The following UCN3 variants were observed in gnomAD, a reference collection of about 807,000 sequenced individuals.
The protein encoded by UCN3 is urocortin-3.
UCN3 carries 3 observed loss-of-function variants against 3.6 expected under a neutral mutation model. The ratio of observed to expected loss-of-function variants is 0.83; its 90% CI spans 0.38 to 2.15. The LOEUF (loss-of-function observed/expected upper bound fraction) is 2.15. Among genes scored for constraint, UCN3 ranks in the 30% most tolerant of loss-of-function variants. The pLI, the probability that UCN3 is intolerant of heterozygous loss-of-function variation, is 0.06. For synonymous variants in UCN3, 100 were observed against 93.2 expected, an observed-to-expected ratio of 1.07 and a Z score of -0.42; for missense variants, 206 against 208.3, an observed-to-expected ratio of 0.99 and a Z score of 0.07.
rs1834113071 is a variant in UCN3, at chr10:5,365,913, C to G, written c.-7+683C>G. ...GATACCTACAATGGCTAACTCCTACCTGTGAAGGGGAGATGGATGTTTGAT... is the reference window on the plus strand; with the variant it reads ...GATACCTACAATGGCTAACTCCTACGTGTGAAGGGGAGATGGATGTTTGAT... On this transcript the variant is annotated intron_variant, in intron 1 of 1. Transcript: ENST00000380433. This position sits in a 1 kb window ranked among gnomAD's most constrained non-coding sequence, Gnocchi z 4.4. Among the ~76,000 whole-genome samples the G allele has an allele frequency of 1.3e-5, 2 of 152,312 alleles. No homozygotes were observed. The highest frequency in any genetic ancestry group is 4.8e-5 in the African/African-American group (2 of 41,564).
At chr10:5,368,853 T>C (rs1831291980) in intron 1 of UCN3, among the ~76,000 whole-genome samples, 1 of 152,144 alleles carries the variant, frequency 6.6e-6, no homozygotes, top group South Asian at 2.1e-4. Flanking sequence ...ACAGGGACGG[T>C]TAGTGCACCC....
chr10:5,373,573 G>A lies in UCN3; in HGVS notation c.-6-142G>A. The stretch of plus-strand genomic sequence containing the variant: ...CATTTCTAACAAAGTCCCAGCCCGG[G>A]CTGATGCTGCTGGTCTGGGGGTCAT... On this transcript the variant is annotated intron_variant, in intron 1 of 1. Coordinates refer to ENST00000380433, the MANE Select transcript of UCN3 (RefSeq NM_053049.4). The A allele has an allele frequency of 3.0e-6, 4 of 1,330,802 alleles. No individual in the cohort carries two copies. In the South Asian group the frequency reaches 4.4e-5, roughly 15 times the overall value. The allele number at this position is 1,330,802 out of a possible 1,614,324, so 82.4% of individuals were successfully genotyped here.
chr10:5,370,066 T>TGTGTGTATATGC lies in UCN3; in HGVS notation c.-6-3613_-6-3602dup, dbSNP rs1301124389. ...ATATGCGTGTGTATGTGTGTGTATATGTGTGTATATGCGTGTGTATATGCG... is the reference window on the plus strand; with the variant it reads ...ATATGCGTGTGTATGTGTGTGTATATGTGTGTATATGCGTGTGTATATGCGTGTGTATATGCG... On this transcript the variant is annotated intron_variant, in intron 1 of 1. Coordinates refer to ENST00000380433, the MANE Select transcript of UCN3 (RefSeq NM_053049.4). Among the ~76,000 whole-genome samples the TGTGTGTATATGC allele has an allele frequency of 1.7e-3, 72 of 42,270 alleles. 11 individuals carry two copies. Among genetic ancestry groups the TGTGTGTATATGC allele is most frequent in the African/African-American group, 4.3e-3 (47 of 10,830 alleles). The allele number at this position is 42,270 out of a possible 152,430, so 27.7% of individuals were successfully genotyped here.
intron 1 of UCN3, 36 bp from the exon 2 acceptor site, chr10:5,373,679 C>T: frequency 6.3e-7 from 1 of 1,597,780 alleles, no homozygotes. Context: ...CACGCCCCTC[C>T]CATGCCCCTG....
rs201740122 is a variant in UCN3, at chr10:5,374,160, C to T, written c.440C>T (p.Ala147Val). 4.2e-5 allele frequency: 68 copies of T among 1,612,168 alleles called. No individual in the cohort carries two copies. Among genetic ancestry groups the T allele is most frequent in the Non-Finnish European group, 5.2e-5 (61 of 1,179,610 alleles). The change falls in exon 2 of 2, where the codon GCG becomes GTG. Residue 147 changes from alanine (A) to valine (V), a missense_variant. Ala to Val is a moderately conservative substitution (Grantham distance 64). Transcript: ENST00000380433. ...AAGGCCAAGAACCTGCGTGCCCAGG[C>T]GGCCGCCAATGCCCACCTGATGGCG... ...IAKAKNLRAQ[A>V]AANAHLMAQI...
Position 5,366,500 on chromosome 10 carries a change from T to C in UCN3, c.-7+1270T>C, listed in dbSNP as rs147648434. ...GAGAAACTTGCAAAATTAGACTTTA[T>C]GTGGGAAGTACAGAGTATCTTTTCT... On this transcript the variant is annotated intron_variant, in intron 1 of 1. Coordinates refer to ENST00000380433, the MANE Select transcript of UCN3 (RefSeq NM_053049.4). This position sits in a 1 kb window ranked among gnomAD's most constrained non-coding sequence, Gnocchi z 4.2. Among the ~76,000 whole-genome samples, 972 of 152,328 alleles carry C rather than the reference T, an allele frequency of 6.4e-3. 10 individuals carry two copies. Among genetic ancestry groups the C allele is most frequent in the African/African-American group, 0.022 (903 of 41,576 alleles).
Position 5,374,584 on chromosome 10 carries a change from T to G in UCN3, c.*378T>G. 5.6e-6 allele frequency: 1 copy of G among 177,158 alleles called. No individual in the cohort carries two copies. Among genetic ancestry groups the G allele is most frequent in the Non-Finnish European group, 1.2e-5 (1 of 83,152 alleles). The allele number at this position is 177,158 out of a possible 1,614,324, so 11.0% of individuals were successfully genotyped here. A position where few individuals can be genotyped will look rare whatever the true frequency, so the allele number is the denominator to read the frequency against. On this transcript the variant is annotated 3_prime_UTR_variant, in exon 2 of 2. Coordinates refer to ENST00000380433, the MANE Select transcript of UCN3 (RefSeq NM_053049.4). Reference sequence around the variant, plus strand: ...GAGAAGAGAGCGTTCAGGGCTCCTCTCCCACACATCAACTTCTTCCAGGGC... The same window carrying G: ...GAGAAGAGAGCGTTCAGGGCTCCTCGCCCACACATCAACTTCTTCCAGGGC...
chr10:5,371,914 G>A (rs966164969), intron 1 of UCN3, among the ~76,000 whole-genome samples: 13 of 152,042 alleles, frequency 8.6e-5, no homozygotes, highest in Non-Finnish European at 1.6e-4. Flanking sequence ...AGTGAACTTC[G>A]AGTTCAGGAA....
intron 1 of UCN3, among the ~76,000 whole-genome samples, chr10:5,370,926 T>C (rs1180049870): frequency 7.4e-6 from 1 of 134,566 alleles, no homozygotes; most frequent in Non-Finnish European, 1.6e-5. Flanking sequence ...TATGCGTGTG[T>C]ATATGTGTGT....
rs1554810659 is a variant in UCN3 at position 5,365,631 on chromosome 10, C to T, written c.-7+401C>T. On this transcript the variant is annotated intron_variant, in intron 1 of 1. Transcript: ENST00000380433. This position sits in a 1 kb window ranked among gnomAD's most constrained non-coding sequence, Gnocchi z 4.4. Reference sequence around the variant, plus strand: ...ATGGGAGCCACAGGACATGACTCCACGCCGCCTGCAAAGCAGCGAGGACAC... The same window carrying T: ...ATGGGAGCCACAGGACATGACTCCATGCCGCCTGCAAAGCAGCGAGGACAC... Among the ~76,000 whole-genome samples, 2 of 152,204 alleles carry T rather than the reference C, an allele frequency of 1.3e-5. No homozygotes were observed. The highest frequency in any genetic ancestry group is 4.8e-5 in the African/African-American group (2 of 41,450).
chr10:5,370,794 CGT>C (rs1396430171), intron 1 of UCN3, among the ~76,000 whole-genome samples: 2 of 70,762 alleles, frequency 2.8e-5, no homozygotes, highest in Non-Finnish European at 5.3e-5. Flanking sequence ...TGTGTGTATG[CGT>C]GTGTATATGT....
rs1453225184 is a variant in UCN3 at position 5,365,086 on chromosome 10, C to T, written c.-151C>T. Reference sequence around the variant, plus strand: ...TCCATAGAGAGGGAATATCACAGCCCACTTAGGAACAATACCGGAGAAGCA... The same window carrying T: ...TCCATAGAGAGGGAATATCACAGCCTACTTAGGAACAATACCGGAGAAGCA... On this transcript the variant is annotated 5_prime_UTR_variant, in exon 1 of 2. Coordinates refer to ENST00000380433, the MANE Select transcript of UCN3 (RefSeq NM_053049.4). This position sits in a 1 kb window ranked among gnomAD's most constrained non-coding sequence, Gnocchi z 4.4. The T allele has an allele frequency of 2.0e-5, 3 of 152,304 alleles. No homozygotes were observed. The highest frequency in any genetic ancestry group is 4.8e-5 in the African/African-American group (2 of 41,456). The allele number at this position is 152,304 out of a possible 1,614,324, so 9.4% of individuals were successfully genotyped here.
chr10:5,373,744 G>A lies in UCN3; in HGVS notation c.24G>A (p.Leu8=). Residue 8 remains leucine, a synonymous_variant, in exon 2 of 2, where the codon CTG becomes CTA. Coordinates refer to ENST00000380433, the MANE Select transcript of UCN3 (RefSeq NM_053049.4). The stretch of plus-strand genomic sequence containing the variant: ...AGATGCTGATGCCGGTCCACTTCCT[G>A]CTGCTCCTGCTGCTGCTCCTGGGGG... The part of the protein sequence containing the change: MLMPVHF[L]LLLLLLLGGP... The A allele has an allele frequency of 6.2e-7, 1 of 1,613,782 alleles. No homozygotes were observed. Among genetic ancestry groups the A allele is most frequent in the Non-Finnish European group, 8.5e-7 (1 of 1,179,848 alleles).
At chr10:5,370,794 CGTGTGTATATGTGTGTGT>C (rs1831396896) in intron 1 of UCN3, among the ~76,000 whole-genome samples, 1 of 70,762 alleles carries the variant, frequency 1.4e-5, no homozygotes, top group Non-Finnish European at 2.7e-5. Context: ...TGTGTGTATG[CGTGTGTATATGTGTGTGT>C]GCGTGTGTGT....
chr10:5,370,889 GTA>G lies in UCN3; in HGVS notation c.-6-2822_-6-2821del, dbSNP rs1404321035. ...TGTGTATGTGTGTGTATATGCGTGT[GTA>G]TATGCGTGTGTATATGCGTGTGTAT... On this transcript the variant is annotated intron_variant, in intron 1 of 1. Coordinates refer to ENST00000380433, the MANE Select transcript of UCN3 (RefSeq NM_053049.4). 9.5e-4 allele frequency among the ~76,000 whole-genome samples: 138 copies of G among 145,494 alleles called. 12 individuals are homozygous for G. The highest frequency in any genetic ancestry group is 2.7e-3 in the African/African-American group (102 of 37,602).
At chr10:5,370,195 GTGTA>G (rs1831345482) in intron 1 of UCN3, among the ~76,000 whole-genome samples, 1 of 74,790 alleles carries the variant, frequency 1.3e-5, no homozygotes, top group Non-Finnish European at 2.4e-5. Flanking sequence ...GTATATGCGT[GTGTA>G]TATGCGTGTG....
chr10:5,370,766 CGT>C (rs1232736605), intron 1 of UCN3, among the ~76,000 whole-genome samples: 7 of 75,484 alleles, frequency 9.3e-5, no homozygotes, highest in African/African-American at 2.4e-4. Flanking sequence ...TGTGTATATG[CGT>C]GTGTATATGC....
In UCN3 at chr10:5,374,162, G is replaced by A; in HGVS notation, c.442G>A (p.Ala148Thr). 6.2e-7 allele frequency: 1 copy of A among 1,611,800 alleles called. No homozygotes were observed. ...AKAKNLRAQA[A>T]ANAHLMAQIG... is the part of the protein sequence containing the mutation. ...GGCCAAGAACCTGCGTGCCCAGGCG[G>A]CCGCCAATGCCCACCTGATGGCGCA... is the stretch of plus-strand genomic sequence containing the variant. Residue 148 changes from alanine (A) to threonine (T), a missense_variant, in exon 2 of 2, where the codon GCC becomes ACC. Coordinates refer to ENST00000380433, the MANE Select transcript of UCN3 (RefSeq NM_053049.4).
Position 5,369,887 on chromosome 10 carries a change from A to G in UCN3, c.-6-3828A>G, listed in dbSNP as rs199766374. ...GGTGTGTGTGTATATGTGTGTGTAT[A>G]TGTGTGTGTGTATATGTGTGTGTGT... On this transcript the variant is annotated intron_variant, in intron 1 of 1. Coordinates refer to ENST00000380433, the MANE Select transcript of UCN3 (RefSeq NM_053049.4). Among the ~76,000 whole-genome samples, 394 of 73,986 alleles carry G rather than the reference A, an allele frequency of 5.3e-3. 12 individuals carry two copies. The highest frequency in any genetic ancestry group is 0.02 in the African/African-American group (371 of 19,006). The allele number at this position is 73,986 out of a possible 152,430, so 48.5% of individuals were successfully genotyped here. A position where few individuals can be genotyped will look rare whatever the true frequency, so the allele number is the denominator to read the frequency against.
Sources: allele counts gnomAD v4.1 joint callset (sites outside exome capture counted in the v4.1 genomes callset), GRCh38; gene constraint gnomAD v4.1.1; non-coding constraint Gnocchi (gnomAD v3.1); transcripts MANE v1.5; gene names NCBI Gene and HGNC (gene_info 2026-07-23, HGNC 2026-07-21).